CFAP300: variants seen among roughly 807,000 people sequenced by gnomAD.
The protein encoded by CFAP300 is cilia- and flagella-associated protein 300.
CFAP300 carries 32 observed loss-of-function variants against 33.0 expected under a neutral mutation model. That is an observed-to-expected ratio of 0.97 (90% CI 0.73 to 1.30). The LOEUF is 1.30. CFAP300 is among the 50% of genes most tolerant of loss of function. The pLI, the probability that CFAP300 is intolerant of heterozygous loss-of-function variation, is 0.00. For synonymous variants in CFAP300, 102 were observed against 106.8 expected (o/e 0.95, Z 0.28); for missense variants, 356 against 318.1 (o/e 1.12, Z -0.90).
At position 102,084,018 on chromosome 11, in the gene CFAP300, A is replaced by C. The variant is rs1565400713; in HGVS notation, c.*819A>C. 6.6e-6 allele frequency: 1 copy of C among 151,752 alleles called. No individual in the cohort carries two copies. Among genetic ancestry groups the C allele is most frequent in the Non-Finnish European group, 1.5e-5 (1 of 67,908 alleles). The allele number at this position is 151,752 out of a possible 1,614,324, so 9.4% of individuals were successfully genotyped here. A position where few individuals can be genotyped will look rare whatever the true frequency, so the allele number is the denominator to read the frequency against. On this transcript the variant is annotated 3_prime_UTR_variant, in exon 7 of 7. Transcript: ENST00000434758. ...CAACAGAGCAAGACTCCGTCTCAGA[A>C]AAAAAAAAGGTTCTGAAAGTGGTTG...
At chr11:102,053,422 G>A (rs1489167818) in intron 2 of CFAP300, among the ~76,000 whole-genome samples, 1 of 151,890 alleles carries the variant, frequency 6.6e-6, no homozygotes, top group Non-Finnish European at 1.5e-5. Context: ...ATGGTGGCGG[G>A]TGCCTATAAT....
chr11:102,072,755 A>G (rs1338311387), intron 4 of CFAP300, among the ~76,000 whole-genome samples: 1 of 151,944 alleles, frequency 6.6e-6, no homozygotes, highest in Non-Finnish European at 1.5e-5. Flanking sequence ...GCATCTAGTC[A>G]CTTCTTTGAA....
intron 6 of CFAP300, chr11:102,081,491 T>C: frequency 1.7e-6 from 1 of 578,816 alleles, no homozygotes; most frequent in Non-Finnish European, 3.0e-6. Flanking sequence ...CTGTCATCTG[T>C]ATCTAATAAC....
At chr11:102,077,036 A>C (rs7930613) in intron 5 of CFAP300, among the ~76,000 whole-genome samples, 65,128 of 151,864 alleles carry the variant, frequency 0.43, 14,205 homozygotes, top group East Asian at 0.71. Context: ...TAAACCTGCT[A>C]GACTGCTTCT....
At chr11:102,051,064 G>C (rs186616192) in intron 2 of CFAP300, among the ~76,000 whole-genome samples, 2 of 152,240 alleles carry the variant, frequency 1.3e-5, no homozygotes, top group East Asian at 3.9e-4. Flanking sequence ...GATATTGAGA[G>C]TAAAGGAGAG....
intron 2 of CFAP300, among the ~76,000 whole-genome samples, chr11:102,052,952 G>A (rs1941992521): frequency 6.6e-6 from 1 of 152,206 alleles, no homozygotes; most frequent in Non-Finnish European, 1.5e-5. Flanking sequence ...GTCTGGCCAG[G>A]CGCACTGGCT....
At chr11:102,073,655 G>T (rs1565396512) in intron 4 of CFAP300, among the ~76,000 whole-genome samples, 1 of 152,076 alleles carries the variant, frequency 6.6e-6, no homozygotes, top group South Asian at 2.1e-4. Flanking sequence ...GTGGGGTGGG[G>T]TTGCTGTCAG....
chr11:102,067,174 C>CA, intron 4 of CFAP300, among the ~76,000 whole-genome samples: 1 of 152,092 alleles, frequency 6.6e-6, no homozygotes, highest in East Asian at 1.9e-4. Flanking sequence ...ACCCTGTCCA[C>CA]AAAAACTACG....
intron 2 of CFAP300, among the ~76,000 whole-genome samples, chr11:102,052,804 T>C (rs1941990308): frequency 6.6e-6 from 1 of 152,208 alleles, no homozygotes; most frequent in Admixed American, 6.5e-5. Context: ...CATCAGCTCT[T>C]CCATGATTAC....
In CFAP300 at chr11:102,075,967, G is replaced by T. The variant is rs770407389; in HGVS notation, c.530G>T (p.Gly177Val). 6.2e-7 allele frequency: 1 copy of T among 1,613,932 alleles called. No homozygotes were observed. Among genetic ancestry groups the T allele is most frequent in the Non-Finnish European group, 8.5e-7 (1 of 1,179,928 alleles). ...LFCLFKHLCL[G>V]GALCQYEDVI... Reference sequence around the variant, plus strand: ...TGTCTTTTCAAACATCTTTGCCTTGGTGGAGCCCTTTGTCAATATGAGGAT... The same window carrying T: ...TGTCTTTTCAAACATCTTTGCCTTGTTGGAGCCCTTTGTCAATATGAGGAT... Residue 177 changes from glycine (G) to valine (V), a missense_variant, in exon 5 of 7, where the codon GGT (glycine) becomes GTT (valine). Coordinates refer to ENST00000434758, the MANE Select transcript of CFAP300 (RefSeq NM_032930.3).
chr11:102,055,932 G>C lies in CFAP300; in HGVS notation c.193-2948G>C, dbSNP rs540958566. On this transcript the variant is annotated intron_variant, in intron 2 of 6. Transcript: ENST00000434758. ...GATCCGCCCGCCTCGGCCTCCCAAA[G>C]TGCTGGGATTACAGGCATGAGCCAC... 3.0e-4 allele frequency among the ~76,000 whole-genome samples: 45 copies of C among 152,228 alleles called. 1 individual carries two copies. In the South Asian group the frequency reaches 8.9e-3, roughly 30 times the overall value.
chr11:102,078,588 A>G (rs565889625), intron 5 of CFAP300, among the ~76,000 whole-genome samples: 14 of 152,250 alleles, frequency 9.2e-5, no homozygotes, highest in Admixed American at 2.0e-4. Context: ...GAGATATTTT[A>G]AAGTAATACT....
intron 3 of CFAP300, among the ~76,000 whole-genome samples, chr11:102,062,527 T>G (rs1455162150): frequency 6.6e-6 from 1 of 152,204 alleles, no homozygotes; most frequent in Non-Finnish European, 1.5e-5. Context: ...TTGGATGAAC[T>G]GTTTTCTATT....
At chr11:102,064,368 C>T (rs1371582077) in intron 3 of CFAP300, among the ~76,000 whole-genome samples, 1 of 152,174 alleles carries the variant, frequency 6.6e-6, no homozygotes, top group Non-Finnish European at 1.5e-5. Flanking sequence ...TCAACATCAC[C>T]TAGAACTCCT....
At chr11:102,059,653 T>TA (rs1052532433) in intron 3 of CFAP300, among the ~76,000 whole-genome samples, 3 of 151,192 alleles carry the variant, frequency 2.0e-5, no homozygotes, top group African/African-American at 7.3e-5. Flanking sequence ...CCTCAAAAAC[T>TA]AAAAAAAATG....
chr11:102,071,665 A>G (rs1366948689), intron 4 of CFAP300, among the ~76,000 whole-genome samples: 1 of 152,064 alleles, frequency 6.6e-6, no homozygotes, highest in Non-Finnish European at 1.5e-5. Context: ...AATTCCTTCC[A>G]TTTTGGCTTG....
chr11:102,079,872 A>G (rs1942449715), intron 5 of CFAP300, among the ~76,000 whole-genome samples: 1 of 152,196 alleles, frequency 6.6e-6, no homozygotes. Flanking sequence ...TACCACTTTT[A>G]TTTAGCTTAT....
chr11:102,061,098 A>T (rs1170215011), intron 3 of CFAP300, among the ~76,000 whole-genome samples: 1 of 152,198 alleles, frequency 6.6e-6, no homozygotes, highest in Non-Finnish European at 1.5e-5. Flanking sequence ...CATTAACTTT[A>T]TACTAATTTT....
chr11:102,081,508 T>G lies in CFAP300; in HGVS notation c.675+227T>G, dbSNP rs964772721. ...GTCATCTGTATCTAATAACATTGCC[T>G]ACTTATTTTAGAGCTAAATCTGTGA... is the stretch of plus-strand genomic sequence containing the variant. On this transcript the variant is annotated intron_variant, in intron 6 of 6. Transcript: ENST00000434758. 1.8e-5 allele frequency: 10 copies of G among 561,130 alleles called. No individual in the cohort carries two copies. In the African/African-American group the frequency reaches 1.9e-4, roughly 11 times the overall value. 34.8% of individuals were successfully genotyped at this position (561,130 alleles called of 1,614,324 possible).
Sources: allele counts gnomAD v4.1 joint callset (sites outside exome capture counted in the v4.1 genomes callset), GRCh38; gene constraint gnomAD v4.1.1; transcripts MANE v1.5; gene names NCBI Gene and HGNC (gene_info 2026-07-23, HGNC 2026-07-21).